The following CSMD1 variants were observed in gnomAD, a reference collection of about 807,000 sequenced individuals.
CSMD1 encodes the protein CUB and sushi domain-containing protein 1.
In CSMD1, 213 loss-of-function variants were observed where a neutral mutation model predicts 417.5. The ratio of observed to expected loss-of-function variants is 0.51; its 90% CI spans 0.46 to 0.57. The LOEUF is 0.57. Among genes scored for constraint, CSMD1 ranks in the 20% least tolerant of loss-of-function variants. The probability of loss-of-function intolerance (pLI) is 0.00; values close to 1 mark genes in which losing one functional copy is unlikely to be tolerated. For synonymous variants in CSMD1, 2,862 were observed against 1,736.8 expected (o/e 1.65, Z -16.11); for missense variants, 6,923 against 4,529.7 (o/e 1.53, Z -15.17).
intron 3 of CSMD1, among the ~76,000 whole-genome samples, chr8:4,237,009 C>T (rs559182173): frequency 1.3e-5 from 2 of 152,302 alleles, no homozygotes; most frequent in Admixed American, 6.5e-5. Flanking sequence ...GATCTTAAAT[C>T]GCGCTCCATT....
chr8:4,188,930 T>C lies in CSMD1; in HGVS notation c.416-156831A>G, dbSNP rs1332435089. Among the ~76,000 whole-genome samples the C allele has an allele frequency of 3.3e-5, 5 of 152,124 alleles. 1 individual carries two copies. The highest frequency in any genetic ancestry group is 7.4e-5 in the Non-Finnish European group (5 of 68,018). On this transcript the variant is annotated intron_variant, in intron 3 of 69. Coordinates refer to ENST00000635120, the MANE Select transcript of CSMD1 (RefSeq NM_033225.6). ...TTGGCATAGCTGCTGGGTTTCTCCC[T>C]CCATGGTTTACTCAGATATTAGAGC...
intron 1 of CSMD1, among the ~76,000 whole-genome samples, chr8:4,972,955 C>G (rs529919015): frequency 6.6e-6 from 1 of 152,072 alleles, no homozygotes; most frequent in Non-Finnish European, 1.5e-5. Flanking sequence ...GCATAGCCGT[C>G]ATTTTAAAAA....
rs143057409 is a variant in CSMD1 at position 4,859,326 on chromosome 8, T to C, written c.85+135006A>G. On this transcript the variant is annotated intron_variant, in intron 1 of 69. Coordinates refer to ENST00000635120, the MANE Select transcript of CSMD1 (RefSeq NM_033225.6). The stretch of plus-strand genomic sequence containing the variant: ...ACCATAAATAACCTAGAAGAAAACC[T>C]AGGCATTACCATTCAGGACATAGGC... Among the ~76,000 whole-genome samples, 1,128 of 152,240 alleles carry C rather than the reference T, an allele frequency of 7.4e-3. 19 individuals are homozygous for C. The highest frequency in any genetic ancestry group is 0.026 in the African/African-American group (1,089 of 41,524).
chr8:4,283,726 C>T (rs1796912060), intron 3 of CSMD1, among the ~76,000 whole-genome samples: 1 of 151,994 alleles, frequency 6.6e-6, no homozygotes, highest in Non-Finnish European at 1.5e-5. Flanking sequence ...TTTTTAACTC[C>T]TCAAGGAATG....
At chr8:3,762,541 G>A (rs1798065011) in intron 5 of CSMD1, among the ~76,000 whole-genome samples, 1 of 152,244 alleles carries the variant, frequency 6.6e-6, no homozygotes, top group Non-Finnish European at 1.5e-5. Flanking sequence ...CAGCGAGTCT[G>A]TAGCACAGGC....
Position 3,348,067 on chromosome 8 carries a change from T to A in CSMD1, c.3399A>T (p.Lys1133Asn). ...TGCCCTTGCCGGCTTCTGTTTCTAT[T>A]TTATAGATACACTCATGGTTATTAT... Reference protein sequence around the residue: ...NYDNNHECIYKIETEAGKGIH... With the variant: ...NYDNNHECIYNIETEAGKGIH... The change falls in exon 22 of 70, where the codon AAA becomes AAT. Residue 1133 changes from lysine (K) to asparagine (N), a missense_variant. Coordinates refer to ENST00000635120, the MANE Select transcript of CSMD1 (RefSeq NM_033225.6). 6.2e-7 allele frequency: 1 copy of A among 1,612,144 alleles called. No individual in the cohort carries two copies. Among genetic ancestry groups the A allele is most frequent in the Middle Eastern group, 1.7e-4 (1 of 6,056 alleles).
At chr8:3,212,329 T>C (rs1248976018) in intron 30 of CSMD1, among the ~76,000 whole-genome samples, 1 of 152,164 alleles carries the variant, frequency 6.6e-6, no homozygotes, top group African/African-American at 2.4e-5. Flanking sequence ...ATGCATAACC[T>C]GGCCTATGAT....
chr8:4,562,629 C>T (rs1798397158), intron 2 of CSMD1, among the ~76,000 whole-genome samples: 3 of 152,062 alleles, frequency 2.0e-5, no homozygotes, highest in Non-Finnish European at 2.9e-5. Flanking sequence ...ATTTAGGACA[C>T]ATCAGAAATG....
intron 1 of CSMD1, among the ~76,000 whole-genome samples, chr8:4,718,262 C>A (rs567017556): frequency 6.6e-6 from 1 of 152,134 alleles, no homozygotes; most frequent in Non-Finnish European, 1.5e-5. Flanking sequence ...CAGGTGTGAG[C>A]CACCATGCTA....
intron 5 of CSMD1, among the ~76,000 whole-genome samples, chr8:3,867,625 A>G (rs749748002): frequency 2.6e-5 from 4 of 152,212 alleles, no homozygotes; most frequent in East Asian, 1.9e-4. Flanking sequence ...ATATATCTAT[A>G]TATTTATATA....
intron 5 of CSMD1, among the ~76,000 whole-genome samples, chr8:3,821,317 A>C (rs1801722824): frequency 6.6e-6 from 1 of 152,186 alleles, no homozygotes; most frequent in South Asian, 2.1e-4. Context: ...ATTATTCTCA[A>C]GTATTATGCA....
At chr8:3,961,842 A>C (rs780845269) in intron 5 of CSMD1, among the ~76,000 whole-genome samples, 1 of 152,210 alleles carries the variant, frequency 6.6e-6, no homozygotes, top group Non-Finnish European at 1.5e-5. Flanking sequence ...AGGCAGCATC[A>C]TGAGGAAGAG....
rs186588210 is a variant in CSMD1 at position 4,561,552 on chromosome 8, T to G, written c.302+75790A>C. On this transcript the variant is annotated intron_variant, in intron 2 of 69. Transcript: ENST00000635120. ...GAAAAATTAGCCAGCCATGGTGGCA[T>G]GCACCAGTAGCCCCAGCTACTCAGG... is the stretch of plus-strand genomic sequence containing the variant. Among the ~76,000 whole-genome samples, 14 of 152,148 alleles carry G rather than the reference T, an allele frequency of 9.2e-5. No homozygotes were observed. In the East Asian group the frequency reaches 2.7e-3, roughly 29 times the overall value.
intron 7 of CSMD1, among the ~76,000 whole-genome samples, chr8:3,668,952 G>C (rs1314471255): frequency 2.0e-5 from 3 of 152,170 alleles, no homozygotes; most frequent in Non-Finnish European, 4.4e-5. Context: ...AAACAGGAAA[G>C]ATGGGGAGAA....
chr8:4,202,075 T>A (rs1799687924), intron 3 of CSMD1, among the ~76,000 whole-genome samples: 1 of 144,744 alleles, frequency 6.9e-6, no homozygotes, highest in Non-Finnish European at 1.5e-5. Flanking sequence ...TGCTTGCCTC[T>A]CAGTTTAAGA....
At chr8:3,358,645 G>A (rs1808956376) in intron 21 of CSMD1, among the ~76,000 whole-genome samples, 1 of 152,154 alleles carries the variant, frequency 6.6e-6, no homozygotes, top group African/African-American at 2.4e-5. Flanking sequence ...CTGAAAAAGT[G>A]AATTCAGCAT....
chr8:4,252,660 C>T (rs1415296132), intron 3 of CSMD1, among the ~76,000 whole-genome samples: 2 of 152,218 alleles, frequency 1.3e-5, no homozygotes, highest in African/African-American at 2.4e-5. Context: ...AAAAATGGAA[C>T]AGGCTTTTAT....
chr8:3,054,924 C>G (rs1387294836), intron 49 of CSMD1, among the ~76,000 whole-genome samples: 4 of 152,160 alleles, frequency 2.6e-5, no homozygotes, highest in African/African-American at 9.7e-5. Flanking sequence ...CAGTAAATGC[C>G]AGAGACCCAT....
intron 10 of CSMD1, among the ~76,000 whole-genome samples, chr8:3,508,318 G>C (rs920931441): frequency 2.0e-5 from 3 of 151,196 alleles, no homozygotes; most frequent in African/African-American, 7.3e-5. Context: ...GAGAACACTT[G>C]GACACAGGAA....
Sources: allele counts gnomAD v4.1 joint callset (sites outside exome capture counted in the v4.1 genomes callset), GRCh38; gene constraint gnomAD v4.1.1; transcripts MANE v1.5; gene names NCBI Gene and HGNC (gene_info 2026-07-23, HGNC 2026-07-21).